SULT1A2: variants seen among roughly 807,000 people sequenced by gnomAD.
SULT1A2 encodes the protein sulfotransferase family 1A member 2.
In SULT1A2, 33 loss-of-function variants were observed where a neutral mutation model predicts 36.0. The observed-to-expected ratio is 0.92, with a 90% CI of 0.69 to 1.22. SULT1A2 has a LOEUF of 1.22. SULT1A2 is among the 50% of genes most tolerant of loss of function. The probability of loss-of-function intolerance (pLI) is 0.00; values close to 1 mark genes in which losing one functional copy is unlikely to be tolerated. For missense variants in SULT1A2, 367 were observed against 383.2 expected, an observed-to-expected ratio of 0.96 and a Z score of 0.35; for synonymous variants, 138 against 144.5, an observed-to-expected ratio of 0.96 and a Z score of 0.32.
chr16:28,592,455 A>T lies in SULT1A2; in HGVS notation c.595-12T>A. 6.2e-7 allele frequency: 1 copy of T among 1,614,142 alleles called. No individual in the cohort carries two copies. On this transcript the variant is annotated splice_polypyrimidine_tract_variant and intron_variant, in intron 6 of 7. Transcript: ENST00000335715. Reference sequence around the variant, plus strand: ...TCCCTTTTGGGGTTCTGAGCAGCAGAGGGCTCCTCAGTGGAGGCTTGGATT... The same window carrying T: ...TCCCTTTTGGGGTTCTGAGCAGCAGTGGGCTCCTCAGTGGAGGCTTGGATT...
chr16:28,596,736 G>C, intron 1 of SULT1A2: 1 of 261,448 alleles, frequency 3.8e-6, no homozygotes, highest in South Asian at 3.7e-5. Flanking sequence ...TAGCTACTGA[G>C]GCAGGAGAAT....
rs1253140443 is a variant in SULT1A2, at chr16:28,595,425, A to G, written c.314T>C (p.Leu105Pro). 34 of 1,613,936 alleles carry G rather than the reference A, an allele frequency of 2.1e-5. No individual in the cohort carries two copies. Among genetic ancestry groups the G allele is most frequent in the Non-Finnish European group, 2.7e-5 (32 of 1,180,016 alleles). ...CAGAGCCAGGGGCAGGTGTGTCTTC[A>G]GGAGTCGTGGGGCTGGTGTGTTTTT... The part of the protein sequence containing the change: ...TLKNTPAPRL[L>P]KTHLPLALLP... The change falls in exon 4 of 8, where the codon CTG (leucine) becomes CCG (proline). Residue 105 changes from leucine (L) to proline (P), a missense_variant. Transcript: ENST00000335715.
Position 28,596,224 on chromosome 16 carries a change from G to A in SULT1A2, c.-4-290C>T, listed in dbSNP as rs191787401. 2,371 of 1,353,236 alleles carry A rather than the reference G, an allele frequency of 1.8e-3. 7 individuals are homozygous for A. The highest frequency in any genetic ancestry group is 4.0e-3 in the Middle Eastern group (14 of 3,506). 83.8% of individuals were successfully genotyped at this position (1,353,236 alleles called of 1,614,324 possible). A position where few individuals can be genotyped will look rare whatever the true frequency, so the allele number is the denominator to read the frequency against. ...CACCCTCGTGGCGCGGGGCCCAGAT[G>A]TCAGGGTGTGTGAAGGTCTCCAGGA... On this transcript the variant is annotated intron_variant, in intron 1 of 7. Transcript: ENST00000335715.
Position 28,595,783 on chromosome 16 carries a change from C to A in SULT1A2, c.148G>T (p.Gly50Cys), listed in dbSNP as rs766233374. 1.2e-6 allele frequency: 2 copies of A among 1,612,652 alleles called. No individual in the cohort carries two copies. Among genetic ancestry groups the A allele is most frequent in the Non-Finnish European group, 1.7e-6 (2 of 1,179,336 alleles). Residue 50 changes from glycine (G) to cysteine (C), a missense_variant and splice_region_variant, in exon 2 of 8, where the codon GGC (glycine) becomes TGC (cysteine). By Grantham distance (159) the Gly-to-Cys change is radical (BLOSUM62 -3). Transcript: ENST00000335715. ...AGGGTGGGTGGCCCTCCTCACCTAC[C>A]GGACTTGGGGTAGGTGCTGATGAGC... is the stretch of plus-strand genomic sequence containing the variant. ...DLLISTYPKS[G>C]TTWVSQILDM...
At chr16:28,596,081 G>T in intron 1 of SULT1A2, 147 bp from the exon 2 acceptor site, 1 of 1,528,102 alleles carries the variant, frequency 6.5e-7, no homozygotes, top group Non-Finnish European at 8.8e-7. Context: ...GGCGGGGCTG[G>T]GGCTGAAAAC....
rs761689245 is a variant in SULT1A2, at chr16:28,593,321, G to C, written c.525C>G (p.His175Gln). 1.9e-6 allele frequency: 3 copies of C among 1,614,068 alleles called. No homozygotes were observed. The East Asian group carries it at 6.7e-5, about 36-fold the overall frequency. Residue 175 changes from histidine to glutamine, a missense_variant, in exon 6 of 8, where the codon CAC (histidine) becomes CAG (glutamine). Transcript: ENST00000335715. ...GGCTCAGCTCCCACCACTCTTGCAC[G>C]TGCTGGTACCAGGACCCATAGGACA... is the stretch of plus-strand genomic sequence containing the variant. ...GEVSYGSWYQ[H>Q]VQEWWELSRT... is the part of the protein sequence containing the mutation.
rs10797300 is a variant in SULT1A2, at chr16:28,595,875, G to C, written c.56C>G (p.Pro19Arg). Residue 19 changes from proline to arginine, a missense_variant, in exon 2 of 8, where the codon CCG (proline) becomes CGG (arginine). Coordinates refer to ENST00000335715, the MANE Select transcript of SULT1A2 (RefSeq NM_001054.4). ...RPPLEYVKGV[P>R]LIKYFAEALG... Reference sequence around the variant, plus strand: ...TGCCTCTGCAAAGTACTTGATGAGCGGGACCCCCTTCACGTACTCCAGTGG... The same window carrying C: ...TGCCTCTGCAAAGTACTTGATGAGCCGGACCCCCTTCACGTACTCCAGTGG... 3 of 1,609,842 alleles carry C rather than the reference G, an allele frequency of 1.9e-6. No homozygotes were observed. Among genetic ancestry groups the C allele is most frequent in the Non-Finnish European group, 2.5e-6 (3 of 1,178,300 alleles).
intron 1 of SULT1A2, chr16:28,596,414 A>G (rs2047060617): frequency 6.2e-6 from 6 of 969,622 alleles, no homozygotes; most frequent in African/African-American, 1.8e-5. Context: ...ACATGTGGCA[A>G]CTCCTAGGCT....
chr16:28,592,147 G>A lies in SULT1A2; in HGVS notation c.776-7C>T, dbSNP rs2046999966. On this transcript the variant is annotated splice_polypyrimidine_tract_variant and splice_region_variant and intron_variant, in intron 7 of 7. Transcript: ENST00000335715. ...TTCCAGTCCCCAGCCATGCCTGGGG[G>A]AGGAAGGCAGGGAGCAAAGCTGGAG... 2 of 1,612,266 alleles carry A rather than the reference G, an allele frequency of 1.2e-6. No homozygotes were observed. Among genetic ancestry groups the A allele is most frequent in the Non-Finnish European group, 1.7e-6 (2 of 1,179,804 alleles).
rs1267546786 is a variant in SULT1A2 at position 28,595,688 on chromosome 16, G to A, written c.149-13C>T. ...ACCCAGGTGGTGCCTGGAGAGGGAGGGAGATGGGAGGTGAGCAGGCTGAGG... is the reference window on the plus strand; with the variant it reads ...ACCCAGGTGGTGCCTGGAGAGGGAGAGAGATGGGAGGTGAGCAGGCTGAGG... On this transcript the variant is annotated splice_polypyrimidine_tract_variant and intron_variant, in intron 2 of 7. Coordinates refer to ENST00000335715, the MANE Select transcript of SULT1A2 (RefSeq NM_001054.4). 1 of 1,613,970 alleles carries A rather than the reference G, an allele frequency of 6.2e-7. No homozygotes were observed. The highest frequency in any genetic ancestry group is 8.5e-7 in the Non-Finnish European group (1 of 1,179,834).
chr16:28,595,256 G>GT (rs56000354), intron 4 of SULT1A2, 111 bp downstream of exon 4: 31,218 of 1,094,290 alleles, frequency 0.029, no homozygotes, highest in Non-Finnish European at 0.031. Context: ...GCACAGCTAA[G>GT]TTTTTTTTTT....
rs759209861 is a variant in SULT1A2 at position 28,593,482 on chromosome 16, C to T, written c.459G>A (p.Gly153=). 3 of 1,614,098 alleles carry T rather than the reference C, an allele frequency of 1.9e-6. No individual in the cohort carries two copies. Among genetic ancestry groups the T allele is most frequent in the South Asian group, 2.2e-5 (2 of 91,080 alleles). The change falls in exon 5 of 8, where the codon GGG becomes GGA. Residue 153 remains glycine, a synonymous_variant. Transcript: ENST00000335715. ...ACTTCTCCAGGAAGCTTTCCCAGGT[C>T]CCAGGGTGAGGGTACACTTTGGCCA... The part of the protein sequence containing the change: ...YHMAKVYPHP[G]TWESFLEKFM...
At position 28,595,406 on chromosome 16, in the gene SULT1A2, CA is replaced by C. The variant is rs2151665771; in HGVS notation, c.332del (p.Leu111ArgfsTer72). ...APRLLKTHLP[L>X]ALLPQTLLDQ... ...CCAACAGAGTCTGGGGGAGCAGAGCCAGGGGCAGGTGTGTCTTCAGGAGTCG... is the reference window on the plus strand; with the variant it reads ...CCAACAGAGTCTGGGGGAGCAGAGCCGGGGCAGGTGTGTCTTCAGGAGTCG... On this transcript the variant is annotated frameshift_variant, in exon 4 of 8. Transcript: ENST00000335715. LOFTEE classifies it high-confidence loss of function. 3 of 1,614,054 alleles carry C rather than the reference CA, an allele frequency of 1.9e-6. No individual in the cohort carries two copies. The highest frequency in any genetic ancestry group is 2.5e-6 in the Non-Finnish European group (3 of 1,179,992).
At chr16:28,594,345 T>G (rs2047034132) in intron 4 of SULT1A2, among the ~76,000 whole-genome samples, 1 of 152,158 alleles carries the variant, frequency 6.6e-6, no homozygotes. Context: ...TCTCCCCATG[T>G]TTCCTGGGCT....
intron 1 of SULT1A2, chr16:28,596,715 G>A (rs1288490535): frequency 3.7e-5 from 9 of 245,150 alleles, no homozygotes; most frequent in Non-Finnish European, 6.5e-5. Context: ...GATGGTGAGG[G>A]TCTGTAGTCC....
At chr16:28,595,497 T>C in intron 3 of SULT1A2, 33 bp from the exon 4 acceptor site, 3 of 1,614,096 alleles carry the variant, frequency 1.9e-6, no homozygotes, top group Non-Finnish European at 2.5e-6. Context: ...TCTGGTGAGC[T>C]GAAGCCCCAG....
At chr16:28,596,074 G>A (rs148580969) in intron 1 of SULT1A2, 140 bp from the exon 2 acceptor site, 73 of 1,532,922 alleles carry the variant, frequency 4.8e-5, no homozygotes, top group African/African-American at 2.5e-4. Context: ...AGTCAGTGGC[G>A]GGGCTGGGGC....
chr16:28,596,448 C>T, intron 1 of SULT1A2: 3 of 796,988 alleles, frequency 3.8e-6, no homozygotes, highest in Non-Finnish European at 3.3e-6. Context: ...ATCCACTTGC[C>T]CGGCCACAGT....
chr16:28,593,052 C>A (rs527527390), intron 6 of SULT1A2, among the ~76,000 whole-genome samples, 200 bp downstream of exon 6: 1 of 152,228 alleles, frequency 6.6e-6, no homozygotes, highest in South Asian at 2.1e-4. Context: ...GTGCAGCTGA[C>A]TCAGGCACAG....
Sources: gnomAD v4.1 joint callset for allele counts (sites outside exome capture counted in the v4.1 genomes callset) on GRCh38, gnomAD v4.1.1 for gene constraint, MANE v1.5 for transcripts, NCBI Gene and HGNC (gene_info 2026-07-23, HGNC 2026-07-21) for gene names.